The following PPP1R2 variants were observed in gnomAD, a reference collection of about 807,000 sequenced individuals.
PPP1R2 encodes the protein protein phosphatase 1 regulatory inhibitor subunit 2, also known as protein phosphatase inhibitor 2.
Under a neutral mutation model 29.9 loss-of-function variants are expected in PPP1R2, and 16 were observed. The observed-to-expected ratio is 0.53, with a 90% confidence interval of 0.36 to 0.81. The LOEUF (loss-of-function observed/expected upper bound fraction) is 0.81. Ranked by LOEUF, PPP1R2 falls within the 30% of genes least tolerant of loss-of-function variation. The pLI is 0.00. For missense variants in PPP1R2, 197 were observed against 252.7 expected, an observed-to-expected ratio of 0.78 and a Z score of 1.49; for synonymous variants, 76 against 91.5, an observed-to-expected ratio of 0.83 and a Z score of 0.96.
At chr3:195,521,185 C>T (rs150153396) in intron 4 of PPP1R2, among the ~76,000 whole-genome samples, 412 of 151,576 alleles carry the variant, frequency 2.7e-3, no homozygotes, top group South Asian at 7.3e-3. Flanking sequence ...CGTGGTGGCA[C>T]ACGTCTGTAA....
At chr3:195,534,075 G>A (rs1229705870) in intron 1 of PPP1R2, among the ~76,000 whole-genome samples, 1 of 152,218 alleles carries the variant, frequency 6.6e-6, no homozygotes, top group East Asian at 1.9e-4. Context: ...CACACTTTGG[G>A]AGGCTGAGGC....
rs377306257 is a variant in PPP1R2, at chr3:195,542,893, C to A, written c.122+11G>T. 3.1e-5 allele frequency: 50 copies of A among 1,596,476 alleles called. No homozygotes were observed. The African/African-American group carries it at 5.9e-4, about 19-fold the overall frequency. On this transcript the variant is annotated intron_variant, in intron 1 of 5. Coordinates refer to ENST00000618156, the MANE Select transcript of PPP1R2 (RefSeq NM_006241.8). Reference sequence around the variant, plus strand: ...AGGAGGGGCTCCCAGGCCGTCCCTCCCAGCGCTCACCTCAGCTCCTCGTCG... The same window carrying A: ...AGGAGGGGCTCCCAGGCCGTCCCTCACAGCGCTCACCTCAGCTCCTCGTCG...
chr3:195,537,214 T>TTC (rs1719423024), intron 1 of PPP1R2, among the ~76,000 whole-genome samples: 1 of 6,400 alleles, frequency 1.6e-4, no homozygotes, highest in Non-Finnish European at 2.8e-4. Context: ...TGCTTGTGTT[T>TTC]TTTTACCTTC....
chr3:195,533,038 CA>C (rs150094497), intron 1 of PPP1R2, among the ~76,000 whole-genome samples: 1,972 of 152,214 alleles, frequency 0.013, 18 homozygotes, highest in Non-Finnish European at 0.021. Flanking sequence ...GCAGTCTCCT[CA>C]AGTGTTGCAA....
intron 1 of PPP1R2, among the ~76,000 whole-genome samples, chr3:195,533,797 C>T (rs1422903513): frequency 2.0e-5 from 3 of 152,070 alleles, no homozygotes; most frequent in African/African-American, 7.2e-5. Context: ...CAGGATTGTA[C>T]AAGACTATAG....
chr3:195,517,666 A>AC (rs1173887918), intron 5 of PPP1R2, among the ~76,000 whole-genome samples: 1 of 152,182 alleles, frequency 6.6e-6, no homozygotes, highest in African/African-American at 2.4e-5. Context: ...TGCCATAGTT[A>AC]TTTTTCAAAA....
At chr3:195,522,854 A>T (rs895904001) in intron 4 of PPP1R2, among the ~76,000 whole-genome samples, 3 of 152,204 alleles carry the variant, frequency 2.0e-5, no homozygotes, top group Admixed American at 2.0e-4. Flanking sequence ...TCCCTACGCC[A>T]CAACACTTCA....
intron 1 of PPP1R2, among the ~76,000 whole-genome samples, chr3:195,535,451 G>C (rs958879828): frequency 6.6e-6 from 1 of 152,192 alleles, no homozygotes; most frequent in Non-Finnish European, 1.5e-5. Context: ...ATTCCTGCTC[G>C]AGAAAACTGT....
chr3:195,518,463 A>G (rs1718630283), intron 5 of PPP1R2, among the ~76,000 whole-genome samples: 2 of 151,920 alleles, frequency 1.3e-5, no homozygotes, highest in Admixed American at 6.6e-5. Flanking sequence ...CATCCTGGCT[A>G]ACATGGTGAA....
rs1362617704 is a variant in PPP1R2, at chr3:195,516,248, T to C, written c.*648A>G. The C allele has an allele frequency of 6.6e-6, 1 of 152,490 alleles. No homozygotes were observed. Among genetic ancestry groups the C allele is most frequent in the Non-Finnish European group, 1.5e-5 (1 of 67,980 alleles). 9.4% of individuals were successfully genotyped at this position (152,490 alleles called of 1,614,324 possible). On this transcript the variant is annotated 3_prime_UTR_variant, in exon 6 of 6. Coordinates refer to ENST00000618156, the MANE Select transcript of PPP1R2 (RefSeq NM_006241.8). ...AAACAAAAAACAGAGCAGACATTGGTGAAAGTTTAACCTGATAATTTATTT... is the reference window on the plus strand; with the variant it reads ...AAACAAAAAACAGAGCAGACATTGGCGAAAGTTTAACCTGATAATTTATTT...
At chr3:195,539,289 A>C (rs943615991) in intron 1 of PPP1R2, among the ~76,000 whole-genome samples, 1 of 152,252 alleles carries the variant, frequency 6.6e-6, no homozygotes, top group Non-Finnish European at 1.5e-5. Context: ...TGTTTAAAAC[A>C]GCTGAATGCT....
intron 5 of PPP1R2, among the ~76,000 whole-genome samples, chr3:195,518,078 C>A (rs572030939): frequency 6.6e-6 from 1 of 152,058 alleles, no homozygotes; most frequent in African/African-American, 2.4e-5. Flanking sequence ...TTTGTAAGTA[C>A]AAGGAGTAGG....
chr3:195,521,006 ATACT>A (rs2108939188), intron 4 of PPP1R2, among the ~76,000 whole-genome samples: 1 of 152,066 alleles, frequency 6.6e-6, no homozygotes. Flanking sequence ...ATCAACATCT[ATACT>A]TATATTTTTA....
intron 2 of PPP1R2, among the ~76,000 whole-genome samples, chr3:195,528,227 A>C (rs577719463): frequency 4.3e-4 from 66 of 152,232 alleles, no homozygotes; most frequent in Non-Finnish European, 7.4e-5. Flanking sequence ...GAGAACATAC[A>C]AGGTCTGGTT....
chr3:195,531,460 A>G (rs1719175807), intron 1 of PPP1R2, among the ~76,000 whole-genome samples: 1 of 152,228 alleles, frequency 6.6e-6, no homozygotes, highest in African/African-American at 2.4e-5. Flanking sequence ...CAACATTTTA[A>G]TAACATATTC....
At chr3:195,533,969 T>A (rs532790229) in intron 1 of PPP1R2, among the ~76,000 whole-genome samples, 28 of 152,302 alleles carry the variant, frequency 1.8e-4, no homozygotes, top group Admixed American at 1.7e-3. Flanking sequence ...GAGAAGCAGC[T>A]TCTGCCAACC....
intron 1 of PPP1R2, among the ~76,000 whole-genome samples, chr3:195,540,006 G>C (rs1389947706): frequency 6.6e-6 from 1 of 152,154 alleles, no homozygotes; most frequent in Non-Finnish European, 1.5e-5. Context: ...CTCACAACTG[G>C]GGGATGGGTA....
At chr3:195,518,932 TTTC>T in intron 5 of PPP1R2, 83 bp downstream of exon 5, 1 of 1,541,870 alleles carries the variant, frequency 6.5e-7, no homozygotes, top group Non-Finnish European at 8.7e-7. Context: ...TTTTCTGTTT[TTTC>T]ACAAGTTTAA....
At position 195,530,266 on chromosome 3, in the gene PPP1R2, G is replaced by GTAAC. The variant is rs1719128924; in HGVS notation, c.123-369_123-366dup. On this transcript the variant is annotated intron_variant, in intron 1 of 5. Transcript: ENST00000618156. ...GTAGGCATTTTTGATCTATATATCAGTAACTGTTCGGTAAAAAACACAACA... is the reference window on the plus strand; with the variant it reads ...GTAGGCATTTTTGATCTATATATCAGTAACTAACTGTTCGGTAAAAAACACAACA... Among the ~76,000 whole-genome samples the GTAAC allele has an allele frequency of 4.6e-5, 7 of 152,296 alleles. No individual in the cohort carries two copies. In the South Asian group the frequency reaches 1.5e-3, roughly 32 times the overall value.
Sources: allele counts gnomAD v4.1 joint callset (sites outside exome capture counted in the v4.1 genomes callset), GRCh38; gene constraint gnomAD v4.1.1; transcripts MANE v1.5; gene names NCBI Gene and HGNC (gene_info 2026-07-23, HGNC 2026-07-21).